The following PTPRM variants were observed in gnomAD, a reference collection of about 807,000 sequenced individuals.
PTPRM encodes the protein receptor-type tyrosine-protein phosphatase mu.
PTPRM carries 47 observed loss-of-function variants against 186.7 expected under a neutral mutation model. The ratio of observed to expected loss-of-function variants is 0.25; its 90% CI spans 0.20 to 0.32. PTPRM has a LOEUF of 0.32. Among genes scored for constraint, PTPRM ranks in the 10% least tolerant of loss-of-function variants. The pLI is 1.00. For missense variants in PTPRM, 1,494 were observed against 1,865.0 expected, an observed-to-expected ratio of 0.80 and a Z score of 3.66; for synonymous variants, 668 against 674.9, an observed-to-expected ratio of 0.99 and a Z score of 0.16.
intron 7 of PTPRM, among the ~76,000 whole-genome samples, chr18:8,028,972 C>G (rs11081357): frequency 0.47 from 71,089 of 152,118 alleles, 17,399 homozygotes; most frequent in Non-Finnish European, 0.55. Flanking sequence ...CACTGAATCC[C>G]TCAGGAAATG....
chr18:8,277,401 G>A (rs1354515081), intron 19 of PTPRM, among the ~76,000 whole-genome samples: 1 of 152,192 alleles, frequency 6.6e-6, no homozygotes, highest in African/African-American at 2.4e-5. Context: ...TTGAAAGTGA[G>A]ACTTGAGCAC....
chr18:7,644,691 A>G (rs1053841145), intron 1 of PTPRM, among the ~76,000 whole-genome samples: 7 of 152,124 alleles, frequency 4.6e-5, no homozygotes, highest in Admixed American at 3.3e-4. Context: ...AGCCAGCTGA[A>G]AAAAAATTGG....
intron 11 of PTPRM, among the ~76,000 whole-genome samples, chr18:8,090,194 A>T (rs1258814162): frequency 6.6e-6 from 1 of 152,108 alleles, no homozygotes. Flanking sequence ...TCCAAGACTC[A>T]AGTGTACCCA....
chr18:8,340,404 G>A (rs2095467896), intron 22 of PTPRM, among the ~76,000 whole-genome samples: 1 of 102,136 alleles, frequency 9.8e-6, no homozygotes, highest in African/African-American at 2.7e-5. Context: ...TCTTTTTTTA[G>A]CGTAGGTCAA....
chr18:7,610,184 T>C (rs75591603), intron 1 of PTPRM, among the ~76,000 whole-genome samples: 2,211 of 152,072 alleles, frequency 0.015, 52 homozygotes, highest in African/African-American at 0.051. Context: ...ACCTTGAAAT[T>C]AGGGCAAACT....
At chr18:7,978,490 G>A (rs187597927) in intron 7 of PTPRM, among the ~76,000 whole-genome samples, 2 of 152,152 alleles carry the variant, frequency 1.3e-5, no homozygotes, top group African/African-American at 2.4e-5. Flanking sequence ...AATATGCCTC[G>A]TGGCCCAAAG....
At chr18:7,579,626 T>C (rs1432527521) in intron 1 of PTPRM, among the ~76,000 whole-genome samples, 1 of 152,252 alleles carries the variant, frequency 6.6e-6, no homozygotes, top group Non-Finnish European at 1.5e-5. Context: ...GGCATCACTC[T>C]GGAATGTTTA....
At chr18:7,742,397 C>T (rs1171864506) in intron 1 of PTPRM, among the ~76,000 whole-genome samples, 1 of 152,178 alleles carries the variant, frequency 6.6e-6, no homozygotes, top group Non-Finnish European at 1.5e-5. Flanking sequence ...ATAGTTGATG[C>T]ACTGGATTTT....
chr18:8,037,174 G>A (rs1009007511), intron 7 of PTPRM, among the ~76,000 whole-genome samples: 7 of 152,266 alleles, frequency 4.6e-5, no homozygotes, highest in South Asian at 4.1e-4. Context: ...CAGACTAAAG[G>A]TTTCTTCAAA....
chr18:8,207,039 A>C (rs1193070030), intron 14 of PTPRM, among the ~76,000 whole-genome samples: 1 of 152,208 alleles, frequency 6.6e-6, no homozygotes, highest in Admixed American at 6.5e-5. Flanking sequence ...CTCTACCAGC[A>C]TCTGGATTTG....
At chr18:7,919,508 A>G (rs2165910) in intron 4 of PTPRM, among the ~76,000 whole-genome samples, 58,974 of 151,884 alleles carry the variant, frequency 0.39, 12,869 homozygotes, top group East Asian at 0.63. Flanking sequence ...ATTTCCACGT[A>G]TTTGCGTATT....
chr18:8,398,285 G>A (rs1253480208), intron 32 of PTPRM, among the ~76,000 whole-genome samples: 1 of 152,076 alleles, frequency 6.6e-6, no homozygotes, highest in South Asian at 2.1e-4. Flanking sequence ...TGCCTGGCCT[G>A]GCATCTTATC....
chr18:8,248,388 T>C (rs1219911904), intron 17 of PTPRM: 2 of 638,314 alleles, frequency 3.1e-6, no homozygotes, highest in African/African-American at 3.6e-5. Context: ...TGCATGTATC[T>C]TGGGGATGAT....
chr18:7,919,714 C>T (rs539328088), intron 4 of PTPRM, among the ~76,000 whole-genome samples: 5 of 152,188 alleles, frequency 3.3e-5, no homozygotes, highest in South Asian at 2.1e-4. Context: ...GTTCTATAGA[C>T]GTCAGTTATG....
At chr18:8,325,720 G>T (rs1398834367) in intron 22 of PTPRM, among the ~76,000 whole-genome samples, 1 of 152,126 alleles carries the variant, frequency 6.6e-6, no homozygotes, top group Non-Finnish European at 1.5e-5. Context: ...GGGTCAAGTG[G>T]TACTTCTGTT....
chr18:7,912,740 C>T lies in PTPRM; in HGVS notation c.547+6157C>T, dbSNP rs112899765. Among the ~76,000 whole-genome samples, 1,214 of 151,328 alleles carry T rather than the reference C, an allele frequency of 8.0e-3. 18 individuals are homozygous for T. Among genetic ancestry groups the T allele is most frequent in the African/African-American group, 0.028 (1,166 of 41,170 alleles). On this transcript the variant is annotated intron_variant, in intron 4 of 32. Transcript: ENST00000580170. ...TTCACAGTGTTAGCCAGGATGGTCT[C>T]GATCTCGTGACCTCGTGATCCGCCC... is the stretch of plus-strand genomic sequence containing the variant.
intron 1 of PTPRM, among the ~76,000 whole-genome samples, chr18:7,733,426 T>A (rs893984893): frequency 6.6e-6 from 1 of 152,228 alleles, no homozygotes; most frequent in Admixed American, 6.5e-5. Flanking sequence ...CATTCTTTTT[T>A]ATGGCTGCAT....
At chr18:8,250,013 T>C (rs2094513074) in intron 17 of PTPRM, among the ~76,000 whole-genome samples, 1 of 152,194 alleles carries the variant, frequency 6.6e-6, no homozygotes, top group Non-Finnish European at 1.5e-5. Flanking sequence ...CACGGAAGAA[T>C]TTAAGATATA....
chr18:7,918,445 G>A (rs1477747333), intron 4 of PTPRM, among the ~76,000 whole-genome samples: 2 of 152,136 alleles, frequency 1.3e-5, no homozygotes, highest in African/African-American at 2.4e-5. Context: ...GTGGAGTAAT[G>A]TGATAGCTCA....
Sources: gnomAD v4.1 joint callset for allele counts (sites outside exome capture counted in the v4.1 genomes callset) on GRCh38, gnomAD v4.1.1 for gene constraint, MANE v1.5 for transcripts, NCBI Gene and HGNC (gene_info 2026-07-23, HGNC 2026-07-21) for gene names.